Variants in CEP192 observed in about 807,000 individuals in gnomAD.
CEP192 encodes centrosomal protein of 192 kDa.
CEP192 carries 151 observed loss-of-function variants against 271.8 expected under a neutral mutation model. The observed-to-expected ratio is 0.56, with a 90% CI of 0.49 to 0.64. CEP192 has a LOEUF of 0.64. Ranked by LOEUF, CEP192 falls within the 30% of genes least tolerant of loss-of-function variation. CEP192 has a pLI of 0.00. For synonymous variants in CEP192, 995 were observed against 1,076.5 expected, an observed-to-expected ratio of 0.92 and a Z score of 1.48; for missense variants, 2,910 against 3,020.5, an observed-to-expected ratio of 0.96 and a Z score of 0.86.
intron 9 of CEP192, among the ~76,000 whole-genome samples, chr18:13,028,246 AG>A (rs940598857): frequency 7.2e-5 from 11 of 152,338 alleles, no homozygotes; most frequent in African/African-American, 2.6e-4. Context: ...CATTGTGATT[AG>A]GGTCCCTAAA....
Position 13,068,235 on chromosome 18 carries a change from C to G in CEP192, c.4756C>G (p.Gln1586Glu), listed in dbSNP as rs137997571. The change falls in exon 23 of 45, where the codon CAG becomes GAG. Residue 1586 changes from glutamine to glutamate, a missense_variant and splice_region_variant. Gln to Glu is a conservative substitution (Grantham distance 29). Coordinates refer to ENST00000506447, the MANE Select transcript of CEP192 (RefSeq NM_032142.4). ...CATGATGCCTGCTAGTTATGATGGA[C>G]AGGTGGGAGAGAACTGGCTTAGAAT... ...NHMMPASYDG[Q>E]DPEFLMIWVL... 1.4e-4 allele frequency: 220 copies of G among 1,614,042 alleles called. No homozygotes were observed. In the African/African-American group the frequency reaches 2.6e-3, roughly 19 times the overall value.
At chr18:12,993,720 A>G (rs931654818) in intron 1 of CEP192, among the ~76,000 whole-genome samples, 4 of 152,128 alleles carry the variant, frequency 2.6e-5, no homozygotes, top group Admixed American at 6.5e-5. Context: ...CATTTGTGCT[A>G]TGTGGACTGG....
chr18:13,103,911 A>G (rs1400494944), intron 39 of CEP192: 1 of 463,414 alleles, frequency 2.2e-6, no homozygotes, highest in African/African-American at 2.0e-5. Flanking sequence ...GCTGGTCTCG[A>G]TCTCCTGACC....
rs376522310 is a variant in CEP192 at position 13,069,769 on chromosome 18, A to T, written c.5087A>T (p.Asp1696Val). 3.8e-6 allele frequency: 6 copies of T among 1,594,356 alleles called. No homozygotes were observed. In the African/African-American group the frequency reaches 5.4e-5, roughly 14 times the overall value. ...VPEQGSHFSV[D>V]PKNLLLKPGE... ...GAACAAGGAAGTCACTTTTCAGTGG[A>T]TCCAAAGAATCTACTCCTTAAACCT... The change falls in exon 27 of 45, where the codon GAT (aspartate) becomes GTT (valine). Residue 1696 changes from aspartate to valine, a missense_variant. Physicochemically the swap from Asp to Val is radical, Grantham distance 152 (BLOSUM62 -3). Coordinates refer to ENST00000506447, the MANE Select transcript of CEP192 (RefSeq NM_032142.4).
intron 15 of CEP192, among the ~76,000 whole-genome samples, chr18:13,047,474 G>A (rs2036546909): frequency 6.6e-6 from 1 of 152,154 alleles, no homozygotes. Flanking sequence ...TCTTGAAGCA[G>A]CAGATATGCT....
In CEP192 at chr18:13,002,757, A is replaced by G. The variant is rs529382372; in HGVS notation, c.290+1175A>G. On this transcript the variant is annotated intron_variant, in intron 3 of 44. Transcript: ENST00000506447. ...GGAAGTCTAAAAAACCAAAATGGGAATGGTGGTATTATAGACAATCTTGTT... is the reference window on the plus strand; with the variant it reads ...GGAAGTCTAAAAAACCAAAATGGGAGTGGTGGTATTATAGACAATCTTGTT... Among the ~76,000 whole-genome samples, 7 of 152,328 alleles carry G rather than the reference A, an allele frequency of 4.6e-5. No homozygotes were observed. In the East Asian group the frequency reaches 1.2e-3, roughly 25 times the overall value.
At chr18:13,051,380 T>TGC (rs1207990810) in intron 17 of CEP192, among the ~76,000 whole-genome samples, 6 of 152,106 alleles carry the variant, frequency 3.9e-5, no homozygotes, top group African/African-American at 1.4e-4. Flanking sequence ...TGTGTGTGTG[T>TGC]GCGTGTGTGC....
chr18:13,071,969 A>C (rs1442541732), intron 28 of CEP192, among the ~76,000 whole-genome samples: 1 of 152,232 alleles, frequency 6.6e-6, no homozygotes, highest in Non-Finnish European at 1.5e-5. Context: ...ATTATTAAAT[A>C]AATACATGAG....
chr18:13,085,787 G>A (rs1321857828), intron 30 of CEP192, among the ~76,000 whole-genome samples: 7 of 152,094 alleles, frequency 4.6e-5, no homozygotes, highest in African/African-American at 1.7e-4. Flanking sequence ...TGCTGTTTTG[G>A]TTACTGTAAC....
intron 11 of CEP192, among the ~76,000 whole-genome samples, chr18:13,034,328 GGGTGGA>G (rs1211488125): frequency 6.6e-6 from 1 of 152,076 alleles, no homozygotes; most frequent in African/African-American, 2.4e-5. Context: ...AGGGAAATAG[GGGTGGA>G]GGTAGCATTA....
intron 37 of CEP192, 67 bp downstream of exon 37, chr18:13,099,648 T>A: frequency 1.3e-6 from 1 of 763,760 alleles, no homozygotes; most frequent in Non-Finnish European, 2.2e-6. Context: ...AGTTTTATAA[T>A]CCTTATTAGC....
chr18:13,070,590 T>C (rs2037959762), intron 27 of CEP192, among the ~76,000 whole-genome samples: 1 of 152,248 alleles, frequency 6.6e-6, no homozygotes, highest in South Asian at 2.1e-4. Context: ...CTTGCTTGCG[T>C]AACCCTAGCT....
Position 13,092,440 on chromosome 18 carries a change from T to TACTTTCAGTAATTGG in CEP192, c.6169_6183dup (p.Leu2057_Gly2061dup), listed in dbSNP as rs762627385. ...TTTTATGGAAGCATGTGTAAAATTA[T>TACTTTCAGTAATTGG]ACTTTCAGTAATTGGAGAATTCAGA... On this transcript the variant is annotated inframe_insertion, in exon 34 of 45. Coordinates refer to ENST00000506447, the MANE Select transcript of CEP192 (RefSeq NM_032142.4). 8.5e-5 allele frequency: 136 copies of TACTTTCAGTAATTGG among 1,605,664 alleles called. No individual in the cohort carries two copies. The highest frequency in any genetic ancestry group is 1.1e-4 in the Non-Finnish European group (132 of 1,173,434).
intron 34 of CEP192, among the ~76,000 whole-genome samples, chr18:13,095,057 C>G (rs1252695465): frequency 6.6e-6 from 1 of 152,144 alleles, no homozygotes; most frequent in Non-Finnish European, 1.5e-5. Flanking sequence ...TTTTAAAAGA[C>G]AGGGTTTCAT....
At chr18:13,048,724 C>T (rs901066945) in intron 15 of CEP192, 135 bp from the exon 16 acceptor site, 57 of 619,990 alleles carry the variant, frequency 9.2e-5, no homozygotes, top group African/African-American at 8.5e-4. Flanking sequence ...TTATGGCAGT[C>T]GGATTTGGTA....
chr18:13,070,911 T>A, intron 27 of CEP192, 128 bp from the exon 28 acceptor site: 1 of 692,668 alleles, frequency 1.4e-6, no homozygotes, highest in Non-Finnish European at 2.5e-6. Flanking sequence ...CAGCACAAGC[T>A]CTAAGGGTGG....
At chr18:13,088,013 A>G (rs1469909331) in intron 32 of CEP192, among the ~76,000 whole-genome samples, 1 of 152,230 alleles carries the variant, frequency 6.6e-6, no homozygotes, top group Non-Finnish European at 1.5e-5. Context: ...CTGAATGATT[A>G]TATTGTATAA....
intron 15 of CEP192, among the ~76,000 whole-genome samples, chr18:13,045,022 C>G (rs1598437313): frequency 6.6e-6 from 1 of 152,128 alleles, no homozygotes; most frequent in Non-Finnish European, 1.5e-5. Context: ...TTCCTCTACA[C>G]TTGAAAATTT....
At chr18:13,053,137 A>G (rs776060327) in intron 18 of CEP192, 47 bp downstream of exon 18, 23 of 1,470,716 alleles carry the variant, frequency 1.6e-5, no homozygotes, top group South Asian at 1.3e-5. Flanking sequence ...TCAACTCTTA[A>G]AAGTGTTAAC....
Sources: allele counts gnomAD v4.1 joint callset (sites outside exome capture counted in the v4.1 genomes callset), GRCh38; gene constraint gnomAD v4.1.1; transcripts MANE v1.5; gene names NCBI Gene and HGNC (gene_info 2026-07-23, HGNC 2026-07-21).